The following LRRC7 variants were observed in gnomAD, a reference collection of about 807,000 sequenced individuals.
LRRC7 encodes leucine rich repeat containing 7.
A neutral mutation model predicts 175.7 loss-of-function variants in LRRC7; 23 were observed. The observed-to-expected ratio is 0.13, with a 90% confidence interval of 0.09 to 0.19. The LOEUF (loss-of-function observed/expected upper bound fraction) is 0.19. Ranked by LOEUF, LRRC7 falls within the 10% of genes least tolerant of loss-of-function variation. The pLI, the probability that LRRC7 is intolerant of heterozygous loss-of-function variation, is 1.00. For synonymous variants in LRRC7, 685 were observed against 680.9 expected (o/e 1.01, Z -0.09); for missense variants, 1,354 against 1,904.7 (o/e 0.71, Z 5.38).
chr1:69,995,664 T>A (rs960217395), intron 11 of LRRC7, among the ~76,000 whole-genome samples: 3 of 152,060 alleles, frequency 2.0e-5, no homozygotes, highest in Non-Finnish European at 4.4e-5. Flanking sequence ...TTTGGTTTTT[T>A]GTTCTTGCGA....
chr1:69,741,159 G>C (rs950041767), intron 2 of LRRC7, among the ~76,000 whole-genome samples: 15 of 151,902 alleles, frequency 9.9e-5, no homozygotes, highest in Admixed American at 8.5e-4. Flanking sequence ...AGCTATGCAG[G>C]AGCATTTAGC....
chr1:69,718,832 GA>G (rs1557644709), intron 2 of LRRC7, among the ~76,000 whole-genome samples: 1 of 151,776 alleles, frequency 6.6e-6, no homozygotes, highest in Non-Finnish European at 1.5e-5. Flanking sequence ...AAAATTCTAG[GA>G]GAATGATTGA....
At chr1:69,579,178 T>C (rs1646091918) in intron 1 of LRRC7, among the ~76,000 whole-genome samples, 1 of 152,116 alleles carries the variant, frequency 6.6e-6, no homozygotes, top group Admixed American at 6.5e-5. Context: ...CTAGTATTTA[T>C]ATTAAAAAGG....
At chr1:70,036,878 T>TA (rs934779058) in intron 20 of LRRC7, among the ~76,000 whole-genome samples, 58 of 151,056 alleles carry the variant, frequency 3.8e-4, no homozygotes, top group Admixed American at 2.6e-4. Flanking sequence ...ATTTAAAAAA[T>TA]AAAAAAAAAT....
At chr1:69,707,276 A>G (rs7548703) in intron 2 of LRRC7, among the ~76,000 whole-genome samples, 3,821 of 152,194 alleles carry the variant, frequency 0.025, 148 homozygotes, top group African/African-American at 0.086. Flanking sequence ...AGTACAGAGG[A>G]GAGAATGCCC....
chr1:69,931,283 G>A (rs1192485756), intron 7 of LRRC7, among the ~76,000 whole-genome samples: 1 of 152,154 alleles, frequency 6.6e-6, no homozygotes, highest in Non-Finnish European at 1.5e-5. Flanking sequence ...TAAGGAGCCA[G>A]CCTTGCATGC....
chr1:69,602,904 A>G (rs984752577), intron 1 of LRRC7, among the ~76,000 whole-genome samples: 2 of 152,216 alleles, frequency 1.3e-5, no homozygotes, highest in African/African-American at 4.8e-5. Flanking sequence ...TGCCTGCAGT[A>G]TTCAGGATAG....
chr1:69,771,739 A>G (rs960443000), intron 3 of LRRC7, among the ~76,000 whole-genome samples: 1 of 152,196 alleles, frequency 6.6e-6, no homozygotes, highest in Non-Finnish European at 1.5e-5. Context: ...TTCTATTCTC[A>G]CAAAATCTAC....
chr1:69,779,946 T>C (rs776894166), intron 3 of LRRC7, among the ~76,000 whole-genome samples: 3 of 152,196 alleles, frequency 2.0e-5, no homozygotes, highest in South Asian at 2.1e-4. Context: ...CTTGTTTGAC[T>C]ACAAAATCTT....
intron 2 of LRRC7, among the ~76,000 whole-genome samples, chr1:69,718,609 A>G (rs989125706): frequency 1.3e-5 from 2 of 151,802 alleles, no homozygotes; most frequent in African/African-American, 4.8e-5. Flanking sequence ...TTATCAGGCA[A>G]AAAAACATGT....
At chr1:70,002,868 C>G (rs1251917417) in intron 11 of LRRC7, among the ~76,000 whole-genome samples, 1 of 152,046 alleles carries the variant, frequency 6.6e-6, no homozygotes, top group Non-Finnish European at 1.5e-5. Flanking sequence ...TTATGTTCAT[C>G]TATATGAGGT....
chr1:70,091,319 A>G (rs984878304), intron 25 of LRRC7, among the ~76,000 whole-genome samples: 4 of 152,144 alleles, frequency 2.6e-5, no homozygotes, highest in African/African-American at 9.7e-5. Flanking sequence ...AAGCATGATG[A>G]CATTTTTTAA....
chr1:69,653,789 G>C (rs943912360), intron 1 of LRRC7, among the ~76,000 whole-genome samples: 2 of 151,988 alleles, frequency 1.3e-5, no homozygotes. Flanking sequence ...CCATAAAAAA[G>C]GAAAGCCTGT....
At chr1:70,071,867 G>A (rs1268180991) in intron 23 of LRRC7, among the ~76,000 whole-genome samples, 1 of 152,084 alleles carries the variant, frequency 6.6e-6, no homozygotes, top group Non-Finnish European at 1.5e-5. Flanking sequence ...TAAAAGACCA[G>A]TGTAAACCAA....
At chr1:70,003,939 A>C (rs1159094111) in intron 11 of LRRC7, among the ~76,000 whole-genome samples, 1 of 152,192 alleles carries the variant, frequency 6.6e-6, no homozygotes, top group African/African-American at 2.4e-5. Context: ...ACAATATTTC[A>C]CATTTGGATG....
chr1:69,815,547 A>T (rs1275777851), intron 4 of LRRC7, among the ~76,000 whole-genome samples: 1 of 152,130 alleles, frequency 6.6e-6, no homozygotes, highest in African/African-American at 2.4e-5. Flanking sequence ...GCACAGCTTG[A>T]TCCCCCTTCA....
chr1:69,828,499 G>A (rs1156326853), intron 5 of LRRC7, among the ~76,000 whole-genome samples: 1 of 151,764 alleles, frequency 6.6e-6, no homozygotes, highest in African/African-American at 2.4e-5. Flanking sequence ...TTCAATTATG[G>A]CTTTAATTTA....
At position 69,781,597 on chromosome 1, in the gene LRRC7, G is replaced by T. The variant is rs868632058; in HGVS notation, c.304-10446G>T. Among the ~76,000 whole-genome samples, 4 of 149,714 alleles carry T rather than the reference G, an allele frequency of 2.7e-5. 1 individual carries two copies. Among genetic ancestry groups the T allele is most frequent in the South Asian group, 4.2e-4 (2 of 4,738 alleles). On this transcript the variant is annotated intron_variant, in intron 3 of 26. Transcript: ENST00000651989. ...CTTGGCAGGCTGAGGCAGGAGAATC[G>T]CTTGAACCTGGGAGGTGGAGGTTGC...
At chr1:70,064,642 G>A (rs531396339) in intron 23 of LRRC7, among the ~76,000 whole-genome samples, 1 of 137,644 alleles carries the variant, frequency 7.3e-6, no homozygotes, top group Non-Finnish European at 1.5e-5. Context: ...TTGGTATTTT[G>A]TTGTTGTTGT....
Sources: allele counts gnomAD v4.1 joint callset (sites outside exome capture counted in the v4.1 genomes callset), GRCh38; gene constraint gnomAD v4.1.1; transcripts MANE v1.5; gene names NCBI Gene and HGNC (gene_info 2026-07-23, HGNC 2026-07-21).